The following FAM186A variants were observed in gnomAD, a reference collection of about 807,000 sequenced individuals.
The protein encoded by FAM186A is family with sequence similarity 186 member A.
In FAM186A, 163 loss-of-function variants were observed where a neutral mutation model predicts 216.8. The ratio of observed to expected loss-of-function variants is 0.75; its 90% CI spans 0.66 to 0.86. FAM186A has a LOEUF of 0.86. Among genes scored for constraint, FAM186A ranks in the 40% least tolerant of loss-of-function variants. The pLI, the probability that FAM186A is intolerant of heterozygous loss-of-function variation, is 0.00. For missense variants in FAM186A, 2,184 were observed against 2,746.2 expected (o/e 0.80, Z 4.58); for synonymous variants, 805 against 1,025.3 (o/e 0.79, Z 4.10).
chr12:50,349,191 C>T (rs1307714010), intron 4 of FAM186A, among the ~76,000 whole-genome samples: 1 of 151,686 alleles, frequency 6.6e-6, no homozygotes, highest in Non-Finnish European at 1.5e-5. Context: ...ACTACCCTTT[C>T]TAGCCTATGG....
chr12:50,348,750 G>A (rs1942846050), intron 4 of FAM186A, among the ~76,000 whole-genome samples: 1 of 151,860 alleles, frequency 6.6e-6, no homozygotes, highest in Non-Finnish European at 1.5e-5. Flanking sequence ...AAGAGATGGG[G>A]TTTCACCATA....
At chr12:50,361,690 C>T (rs1187063877) in intron 2 of FAM186A, among the ~76,000 whole-genome samples, 2 of 151,094 alleles carry the variant, frequency 1.3e-5, no homozygotes, top group African/African-American at 2.4e-5. Flanking sequence ...CCTGCCTCAG[C>T]CTCCCTAGTA....
chr12:50,344,342 T>A (rs1203635664), intron 4 of FAM186A, among the ~76,000 whole-genome samples: 1 of 152,162 alleles, frequency 6.6e-6, no homozygotes, highest in African/African-American at 2.4e-5. Flanking sequence ...AACATTTAGC[T>A]CCATTTATAA....
chr12:50,370,647 T>G (rs113859363), intron 1 of FAM186A, among the ~76,000 whole-genome samples: 19 of 152,276 alleles, frequency 1.2e-4, no homozygotes, highest in African/African-American at 4.6e-4. Flanking sequence ...TTGTTCTCTG[T>G]GTATACATCC....
intron 1 of FAM186A, among the ~76,000 whole-genome samples, chr12:50,386,789 TG>T (rs1943307682): frequency 8.5e-6 from 1 of 117,016 alleles, no homozygotes; most frequent in African/African-American, 3.3e-5. Flanking sequence ...GAACCCAGTT[TG>T]GGGGTGGGGG....
chr12:50,388,448 C>T (rs1327143379), intron 1 of FAM186A, among the ~76,000 whole-genome samples: 1 of 151,678 alleles, frequency 6.6e-6, no homozygotes, highest in African/African-American at 2.4e-5. Context: ...TGAAACCCCC[C>T]TCTCTACTAA....
chr12:50,372,914 A>G (rs1322092652), intron 1 of FAM186A, among the ~76,000 whole-genome samples: 3 of 148,128 alleles, frequency 2.0e-5, no homozygotes, highest in Non-Finnish European at 3.0e-5. Context: ...AAAAAAAAAA[A>G]AAAGAAAAAA....
In FAM186A at chr12:50,354,884, T is replaced by C; in HGVS notation, c.1948A>G (p.Thr650Ala). The change falls in exon 4 of 8, where the codon ACT becomes GCT. Residue 650 changes from threonine (T) to alanine (A), a missense_variant. Transcript: ENST00000327337. The part of the protein sequence containing the change: ...VKSLSRVAKE[T>A]SESTRVLESP... ...TCTAGAACTCTGGTAGATTCTGAAG[T>C]CTCTTTAGCCACTCTTGAGAGTGAT... 1 of 1,550,298 alleles carries C rather than the reference T, an allele frequency of 6.5e-7. No individual in the cohort carries two copies. Among genetic ancestry groups the C allele is most frequent in the Non-Finnish European group, 8.7e-7 (1 of 1,146,810 alleles).
Position 50,350,260 on chromosome 12 carries a change from G to A in FAM186A, c.6503+69C>T, listed in dbSNP as rs1942860602. 7.5e-6 allele frequency: 10 copies of A among 1,333,152 alleles called. 1 individual carries two copies. The highest frequency in any genetic ancestry group is 1.0e-5 in the Non-Finnish European group (10 of 987,694). The allele number at this position is 1,333,152 out of a possible 1,614,324, so 82.6% of individuals were successfully genotyped here. On this transcript the variant is annotated intron_variant, in intron 4 of 7. Transcript: ENST00000327337. ...GCCTGACAAATATGAATATACTTCTGGGACAATGACAGAAAATATTTGCAA... is the reference window on the plus strand; with the variant it reads ...GCCTGACAAATATGAATATACTTCTAGGACAATGACAGAAAATATTTGCAA...
At chr12:50,332,803 G>A (rs766643070) in intron 5 of FAM186A, among the ~76,000 whole-genome samples, 3 of 152,110 alleles carry the variant, frequency 2.0e-5, no homozygotes, top group African/African-American at 2.4e-5. Flanking sequence ...TGCCATGGGC[G>A]GTTCACTTGA....
At chr12:50,346,916 GCA>G (rs140403986) in intron 4 of FAM186A, among the ~76,000 whole-genome samples, 44 of 143,436 alleles carry the variant, frequency 3.1e-4, no homozygotes, top group East Asian at 4.0e-4. Flanking sequence ...GGTCACACAT[GCA>G]CACACACACA....
rs188480070 is a variant in FAM186A, at chr12:50,370,017, G to A, written c.193-6653C>T. Among the ~76,000 whole-genome samples, 1,031 of 150,914 alleles carry A rather than the reference G, an allele frequency of 6.8e-3. 4 individuals are homozygous for A. The highest frequency in any genetic ancestry group is 0.011 in the Non-Finnish European group (752 of 67,784). On this transcript the variant is annotated intron_variant, in intron 1 of 7. Transcript: ENST00000327337. The stretch of plus-strand genomic sequence containing the variant: ...TGGGCGCCTGTAGTCCCAGCTACTC[G>A]GGAGGCTGAGGCAGGAGAATGGCGT...
chr12:50,347,414 G>T (rs1190382973), intron 4 of FAM186A, among the ~76,000 whole-genome samples: 1 of 152,138 alleles, frequency 6.6e-6, no homozygotes, highest in Non-Finnish European at 1.5e-5. Flanking sequence ...GAGACTGGAA[G>T]TGACTTATCA....
intron 1 of FAM186A, among the ~76,000 whole-genome samples, chr12:50,388,785 G>T (rs1026464470): frequency 6.6e-6 from 1 of 152,170 alleles, no homozygotes; most frequent in East Asian, 1.9e-4. Flanking sequence ...GGGCACAGTG[G>T]CTCATGCCTG....
chr12:50,362,521 G>A (rs1943045702), intron 2 of FAM186A, among the ~76,000 whole-genome samples: 1 of 151,832 alleles, frequency 6.6e-6, no homozygotes, highest in African/African-American at 2.4e-5. Context: ...AAGGCAGGTG[G>A]ATCATTTGAG....
intron 3 of FAM186A, 87 bp downstream of exon 3, chr12:50,360,669 A>G: frequency 8.6e-7 from 1 of 1,162,686 alleles, no homozygotes; most frequent in East Asian, 2.7e-5. Flanking sequence ...TGGGTGATAG[A>G]GCGAGACTGA....
chr12:50,382,437 C>T (rs954754303), intron 1 of FAM186A, among the ~76,000 whole-genome samples: 10 of 151,930 alleles, frequency 6.6e-5, no homozygotes, highest in African/African-American at 2.2e-4. Flanking sequence ...CAATGGCTCA[C>T]GCCTGTAATA....
At chr12:50,391,342 G>C (rs993398033) in intron 1 of FAM186A, among the ~76,000 whole-genome samples, 1 of 150,146 alleles carries the variant, frequency 6.7e-6, no homozygotes, top group Non-Finnish European at 1.5e-5. Context: ...TTTTGAGACA[G>C]AGTCTCGCTG....
At chr12:50,367,516 C>CAAA (rs35171998) in intron 1 of FAM186A, among the ~76,000 whole-genome samples, 7 of 89,680 alleles carry the variant, frequency 7.8e-5, no homozygotes, top group African/African-American at 1.7e-4. Flanking sequence ...GACTCTGTCT[C>CAAA]AAAAAAAAAA....
Sources: gnomAD v4.1 joint callset for allele counts (sites outside exome capture counted in the v4.1 genomes callset) on GRCh38, gnomAD v4.1.1 for gene constraint, MANE v1.5 for transcripts, NCBI Gene and HGNC (gene_info 2026-07-23, HGNC 2026-07-21) for gene names.